Variants in PLA1A observed in about 807,000 individuals in gnomAD.
PLA1A encodes the protein phospholipase A1 member A.
Under a neutral mutation model 49.4 loss-of-function variants are expected in PLA1A, and 47 were observed. The ratio of observed to expected loss-of-function variants is 0.95; its 90% CI spans 0.75 to 1.21. The LOEUF (loss-of-function observed/expected upper bound fraction) is 1.21. PLA1A is among the 50% of genes most tolerant of loss of function. The pLI is 0.00. For missense variants in PLA1A, 561 were observed against 563.9 expected (o/e 0.99, Z 0.05); for synonymous variants, 224 against 207.9 (o/e 1.08, Z -0.67).
chr3:119,609,331 CT>C, intron 3 of PLA1A, 136 bp from the exon 4 acceptor site: 2 of 757,142 alleles, frequency 2.6e-6, no homozygotes, highest in South Asian at 1.4e-5. Context: ...GAGTGCTGTC[CT>C]TTTTCCCTCC....
At chr3:119,620,391 A>G (rs2082913444) in intron 8 of PLA1A, among the ~76,000 whole-genome samples, 2 of 152,196 alleles carry the variant, frequency 1.3e-5, no homozygotes, top group African/African-American at 4.8e-5. Context: ...AAGTCAGTGC[A>G]GGGATCTTTG....
chr3:119,618,858 C>G (rs2082889899), intron 7 of PLA1A, among the ~76,000 whole-genome samples: 2 of 152,202 alleles, frequency 1.3e-5, no homozygotes, highest in Admixed American at 6.5e-5. Flanking sequence ...TGCCACTCAA[C>G]TGCAGCAGCC....
chr3:119,614,124 G>C (rs1196391165), intron 5 of PLA1A, among the ~76,000 whole-genome samples: 3 of 152,154 alleles, frequency 2.0e-5, no homozygotes, highest in African/African-American at 7.2e-5. Context: ...GCTCAAGTTA[G>C]AGATGTCCAC....
chr3:119,609,087 T>G, intron 3 of PLA1A, 140 bp downstream of exon 3: 1 of 667,814 alleles, frequency 1.5e-6, no homozygotes, highest in Non-Finnish European at 2.6e-6. Context: ...AAATCTTGAC[T>G]TTGCCACTCA....
At chr3:119,614,419 A>C (rs938871838) in intron 5 of PLA1A, among the ~76,000 whole-genome samples, 6 of 151,872 alleles carry the variant, frequency 4.0e-5, no homozygotes, top group Non-Finnish European at 7.4e-5. Flanking sequence ...TGGGCTAACA[A>C]AGTGAAACCC....
chr3:119,625,021 A>C, intron 8 of PLA1A, 103 bp from the exon 9 acceptor site: 15 of 692,464 alleles, frequency 2.2e-5, no homozygotes, highest in Non-Finnish European at 2.4e-5. Context: ...ACAGCCACTA[A>C]GAGATAGAGC....
At chr3:119,616,575 A>T (rs2082851074) in intron 6 of PLA1A, among the ~76,000 whole-genome samples, 1 of 152,260 alleles carries the variant, frequency 6.6e-6, no homozygotes, top group African/African-American at 2.4e-5. Flanking sequence ...TCTAAGGTCA[A>T]TAATTATTTG....
intron 2 of PLA1A, chr3:119,607,176 T>C: frequency 1.7e-6 from 1 of 585,620 alleles, no homozygotes; most frequent in Non-Finnish European, 3.1e-6. Context: ...TATATGTTAC[T>C]TCTCCACCCA....
At chr3:119,607,096 C>A in intron 2 of PLA1A, 121 bp downstream of exon 2, 3 of 757,254 alleles carry the variant, frequency 4.0e-6, no homozygotes, top group East Asian at 5.0e-5. Flanking sequence ...ATGTTCCATC[C>A]CTCATATCCT....
chr3:119,621,545 C>A (rs1222278500), intron 8 of PLA1A, among the ~76,000 whole-genome samples: 4 of 152,262 alleles, frequency 2.6e-5, no homozygotes, highest in African/African-American at 9.6e-5. Flanking sequence ...CAATGTTGAC[C>A]TGTGCCAGGC....
At chr3:119,607,303 C>A (rs938520966) in intron 2 of PLA1A, among the ~76,000 whole-genome samples, 2 of 152,178 alleles carry the variant, frequency 1.3e-5, no homozygotes, top group African/African-American at 4.8e-5. Flanking sequence ...GGTTTTATGA[C>A]CTAAGAAACT....
chr3:119,628,313 T>C (rs2107803858), intron 9 of PLA1A, among the ~76,000 whole-genome samples: 1 of 152,338 alleles, frequency 6.6e-6, no homozygotes, highest in South Asian at 2.1e-4. Flanking sequence ...AACAGAAAAG[T>C]CCTTACACAG....
At chr3:119,610,474 C>T (rs2082750461) in intron 4 of PLA1A, among the ~76,000 whole-genome samples, 3 of 152,126 alleles carry the variant, frequency 2.0e-5, no homozygotes, top group Admixed American at 2.0e-4. Context: ...TCTCTGCAGC[C>T]TTGCCAACAT....
intron 8 of PLA1A, among the ~76,000 whole-genome samples, chr3:119,621,822 CTG>C (rs2082937352): frequency 6.6e-6 from 1 of 152,150 alleles, no homozygotes; most frequent in Non-Finnish European, 1.5e-5. Context: ...ACTCAGGACT[CTG>C]TGTTGTACGA....
intron 8 of PLA1A, among the ~76,000 whole-genome samples, chr3:119,621,837 T>C (rs1281376622): frequency 6.6e-6 from 1 of 152,164 alleles, no homozygotes; most frequent in Non-Finnish European, 1.5e-5. Context: ...TTGTACGACA[T>C]GAGACATGTT....
At chr3:119,623,327 T>G (rs1239196842) in intron 8 of PLA1A, among the ~76,000 whole-genome samples, 1 of 151,310 alleles carries the variant, frequency 6.6e-6, no homozygotes, top group Non-Finnish European at 1.5e-5. Context: ...TTTGTTTTTT[T>G]GTAGAGACTG....
At chr3:119,622,443 G>C (rs1033736378) in intron 8 of PLA1A, among the ~76,000 whole-genome samples, 8 of 152,168 alleles carry the variant, frequency 5.3e-5, no homozygotes, top group African/African-American at 1.9e-4. Flanking sequence ...ACAGGGTGTG[G>C]TATAAGATGT....
chr3:119,627,287 C>T (rs1044192269), intron 9 of PLA1A, among the ~76,000 whole-genome samples: 2 of 152,130 alleles, frequency 1.3e-5, no homozygotes, highest in South Asian at 2.1e-4. Flanking sequence ...TAGCTTTATG[C>T]GACGCTAAGA....
intron 1 of PLA1A, among the ~76,000 whole-genome samples, chr3:119,604,272 G>A (rs772742804): frequency 5.3e-5 from 8 of 152,110 alleles, no homozygotes; most frequent in Non-Finnish European, 8.8e-5. Flanking sequence ...AGAAAGGAAA[G>A]GAAGTCAGTA....
Sources: gnomAD v4.1 joint callset for allele counts (sites outside exome capture counted in the v4.1 genomes callset) on GRCh38, gnomAD v4.1.1 for gene constraint, MANE v1.5 for transcripts, NCBI Gene and HGNC (gene_info 2026-07-23, HGNC 2026-07-21) for gene names.